Variants in ZNF596 observed in about 807,000 individuals in gnomAD.
ZNF596 encodes zinc finger protein 596.
Under a neutral mutation model 48.3 loss-of-function variants are expected in ZNF596, and 45 were observed. The observed-to-expected ratio is 0.93, with a 90% confidence interval of 0.73 to 1.19. The LOEUF (loss-of-function observed/expected upper bound fraction) is 1.19, where lower values mean the gene tolerates loss of function less well. Ranked by LOEUF, ZNF596 falls within the 50% of genes most tolerant of loss-of-function variation. The pLI is 0.00. For synonymous variants in ZNF596, 270 were observed against 202.0 expected, an observed-to-expected ratio of 1.34 and a Z score of -2.85; for missense variants, 848 against 599.7, an observed-to-expected ratio of 1.41 and a Z score of -4.32.
intron 1 of ZNF596, chr8:233,689 G>C (rs932071725): frequency 6.6e-6 from 1 of 152,058 alleles, no homozygotes; most frequent in African/African-American, 2.4e-5. Flanking sequence ...ACTGCTCAAA[G>C]ATATTTCCAA....
intron 4 of ZNF596, chr8:244,095 G>A: frequency 4.4e-6 from 1 of 225,624 alleles, no homozygotes. Flanking sequence ...TCAACATGTT[G>A]GCCAGGCTGG....
chr8:245,786 G>A lies in ZNF596; in HGVS notation c.939G>A (p.Gly313=). 8 of 1,613,960 alleles carry A rather than the reference G, an allele frequency of 5.0e-6. No homozygotes were observed. The highest frequency in any genetic ancestry group is 5.1e-6 in the Non-Finnish European group (6 of 1,179,986). ...AACCATATGGATGTCTCCTATGTGG[G>A]AAGGCTTTCAGTAAATGTTCTTACC... The part of the protein sequence containing the change: ...GDKPYGCLLC[G]KAFSKCSYLR... Residue 313 remains glycine (G), a synonymous_variant, in exon 6 of 6, where the codon GGG becomes GGA. Transcript: ENST00000398612.
chr8:246,293 A>G lies in ZNF596; in HGVS notation c.1446A>G (p.Lys482=). The G allele has an allele frequency of 6.2e-7, 1 of 1,607,094 alleles. No individual in the cohort carries two copies. The highest frequency in any genetic ancestry group is 1.1e-5 in the South Asian group (1 of 89,344). Residue 482 remains lysine, a synonymous_variant, in exon 6 of 6, where the codon AAA becomes AAG. Transcript: ENST00000398612. ...EKPYVCPLCG[K]AFSKFFNLRQ... is the part of the protein sequence containing the mutation. The stretch of plus-strand genomic sequence containing the variant: ...CATATGTATGTCCTCTATGTGGGAA[A>G]GCCTTTAGTAAATTTTTTAACCTTA...
At chr8:232,383 G>A, upstream of ZNF596, 1 of 183,682 alleles carries the variant, frequency 5.4e-6, no homozygotes, top group Admixed American at 6.3e-5. Context: ...TGTTGACCCG[G>A]AAACGGATTC....
chr8:242,275 G>T (rs1393469785), intron 2 of ZNF596, among the ~76,000 whole-genome samples: 1 of 147,940 alleles, frequency 6.8e-6, no homozygotes, highest in Non-Finnish European at 1.5e-5. Flanking sequence ...ATAAGAGGCT[G>T]CATCTGCTGA....
chr8:243,147 C>A, intron 3 of ZNF596, 134 bp downstream of exon 3: 1 of 695,034 alleles, frequency 1.4e-6, no homozygotes, highest in Non-Finnish European at 2.1e-6. Context: ...TGCTTTGATC[C>A]TTTCATAACT....
intron 1 of ZNF596, among the ~76,000 whole-genome samples, chr8:238,000 C>G (rs1198202695): frequency 2.0e-5 from 3 of 152,206 alleles, no homozygotes; most frequent in Admixed American, 6.5e-5. Context: ...AGGGGTGACC[C>G]AGGCCCACAT....
At position 235,687 on chromosome 8, in the gene ZNF596, CTTA is replaced by C. The variant is rs528227969; in HGVS notation, c.-73+2998_-73+3000del. On this transcript the variant is annotated intron_variant, in intron 1 of 5. Coordinates refer to ENST00000398612, the MANE Select transcript of ZNF596 (RefSeq NM_001042416.3). ...CACACACAAACACACACTTCGGTGTCTTATTATGTTTCTGCAGTGAAACCAAAA... is the reference window on the plus strand; with the variant it reads ...CACACACAAACACACACTTCGGTGTCTTATGTTTCTGCAGTGAAACCAAAA... Among the ~76,000 whole-genome samples the C allele has an allele frequency of 5.3e-5, 8 of 152,208 alleles. No individual in the cohort carries two copies. The East Asian group carries it at 1.2e-3, about 22-fold the overall frequency.
At chr8:243,685 A>G in intron 3 of ZNF596, 37 bp from the exon 4 acceptor site, 1 of 1,605,330 alleles carries the variant, frequency 6.2e-7, no homozygotes, top group Non-Finnish European at 8.5e-7. Context: ...TTGTCAGCAC[A>G]GAACTCAAAA....
Position 240,854 on chromosome 8 carries a change from G to T in ZNF596, c.-42G>T, listed in dbSNP as rs773010771. On this transcript the variant is annotated 5_prime_UTR_variant, in exon 2 of 6. Coordinates refer to ENST00000398612, the MANE Select transcript of ZNF596 (RefSeq NM_001042416.3). Reference sequence around the variant, plus strand: ...TCTTCTTAGTGCTTGGATGGTGTGAGTGAAAACCCAGAGGAATACATTTGG... The same window carrying T: ...TCTTCTTAGTGCTTGGATGGTGTGATTGAAAACCCAGAGGAATACATTTGG... 6.2e-7 allele frequency: 1 copy of T among 1,613,666 alleles called. No homozygotes were observed. Among genetic ancestry groups the T allele is most frequent in the Non-Finnish European group, 8.5e-7 (1 of 1,179,628 alleles).
intron 1 of ZNF596, among the ~76,000 whole-genome samples, chr8:237,879 T>C (rs1796682462): frequency 6.6e-6 from 1 of 152,232 alleles, no homozygotes. Flanking sequence ...ATGGCCTGGC[T>C]GAGCTTCTGC....
In ZNF596 at chr8:242,926, C is replaced by G. The variant is rs763083856; in HGVS notation, c.52C>G (p.Gln18Glu). The G allele has an allele frequency of 6.2e-7, 1 of 1,600,242 alleles. No homozygotes were observed. Among genetic ancestry groups the G allele is most frequent in the South Asian group, 1.1e-5 (1 of 89,842 alleles). Residue 18 changes from glutamine to glutamate, a missense_variant, in exon 3 of 6, where the codon CAA becomes GAA. Physicochemically the swap from Gln to Glu is conservative, Grantham distance 29. Coordinates refer to ENST00000398612, the MANE Select transcript of ZNF596 (RefSeq NM_001042416.3). ...TFEDIIVDFT[Q>E]EEWALLDTSQ... ...CGAGGATATCATTGTAGACTTCACT[C>G]AAGAAGAGTGGGCCCTGCTGGACAC...
At chr8:242,538 A>G (rs768011573) in intron 2 of ZNF596, among the ~76,000 whole-genome samples, 4 of 152,208 alleles carry the variant, frequency 2.6e-5, no homozygotes, top group African/African-American at 9.6e-5. Flanking sequence ...TAGTGAGTCT[A>G]TAGATTTTCT....
At chr8:244,964 T>A (rs1797003307) in intron 5 of ZNF596, among the ~76,000 whole-genome samples, 190 bp from the exon 6 acceptor site, 1 of 152,250 alleles carries the variant, frequency 6.6e-6, no homozygotes, top group African/African-American at 2.4e-5. Flanking sequence ...TCAGTTGGGA[T>A]GCTACAACAG....
At chr8:236,651 A>C (rs1189128040) in intron 1 of ZNF596, among the ~76,000 whole-genome samples, 1 of 152,144 alleles carries the variant, frequency 6.6e-6, no homozygotes, top group Admixed American at 6.5e-5. Flanking sequence ...TCAAAGGTCT[A>C]TTAATGTGAT....
chr8:241,286 AGT>A (rs1348416567), intron 2 of ZNF596, among the ~76,000 whole-genome samples: 12 of 152,292 alleles, frequency 7.9e-5, no homozygotes, highest in Admixed American at 2.0e-4. Context: ...GGTGAAAATA[AGT>A]GAGAGCAGGT....
intron 1 of ZNF596, chr8:234,269 A>C (rs1209651272): frequency 6.6e-6 from 1 of 152,248 alleles, no homozygotes; most frequent in Non-Finnish European, 1.5e-5. Flanking sequence ...ATATACCCAC[A>C]GCTGCCATGT....
chr8:235,616 G>A (rs780225439), intron 1 of ZNF596, among the ~76,000 whole-genome samples: 6 of 151,986 alleles, frequency 3.9e-5, no homozygotes, highest in Non-Finnish European at 5.9e-5. Flanking sequence ...CATTTTTGAT[G>A]TATATTAGAT....
Position 245,218 on chromosome 8 carries a change from T to C in ZNF596, c.371T>C (p.Ile124Thr), listed in dbSNP as rs774843125. 12 of 1,613,764 alleles carry C rather than the reference T, an allele frequency of 7.4e-6. No homozygotes were observed. Among genetic ancestry groups the C allele is most frequent in the Non-Finnish European group, 1.0e-5 (12 of 1,179,844 alleles). ...NDLGEDFTQH[I>T]ALTQNVITYM... ...TTAGGAGAAGATTTCACTCAACATA[T>C]AGCATTGACTCAAAATGTGATTACC... The change falls in exon 6 of 6, where the codon ATA (isoleucine) becomes ACA (threonine). Residue 124 changes from isoleucine to threonine, a missense_variant. Physicochemically the swap from Ile to Thr is moderately conservative, Grantham distance 89. Transcript: ENST00000398612.
Sources: allele counts gnomAD v4.1 joint callset (sites outside exome capture counted in the v4.1 genomes callset), GRCh38; gene constraint gnomAD v4.1.1; transcripts MANE v1.5; gene names NCBI Gene and HGNC (gene_info 2026-07-23, HGNC 2026-07-21).